TERB1: variants seen among roughly 807,000 people sequenced by gnomAD.
TERB1 encodes the protein telomere repeats-binding bouquet formation protein 1.
In TERB1, 63 loss-of-function variants were observed where a neutral mutation model predicts 92.3. The observed-to-expected ratio is 0.68, with a 90% confidence interval of 0.56 to 0.84. The LOEUF is 0.84. Ranked by LOEUF, TERB1 falls within the 40% of genes least tolerant of loss-of-function variation. The probability of loss-of-function intolerance (pLI) is 0.00; values close to 1 mark genes in which losing one functional copy is unlikely to be tolerated. For synonymous variants in TERB1, 252 were observed against 283.9 expected (o/e 0.89, Z 1.13); for missense variants, 709 against 843.7 (o/e 0.84, Z 1.98).
At chr16:66,758,468 C>CA (rs1416863141) in intron 18 of TERB1, 1 of 244,422 alleles carries the variant, frequency 4.1e-6, no homozygotes, top group African/African-American at 2.3e-5. Flanking sequence ...CAGCCAGGTG[C>CA]AATGGCTCAT....
chr16:66,764,634 A>T (rs774650409), intron 16 of TERB1, among the ~76,000 whole-genome samples: 4 of 151,996 alleles, frequency 2.6e-5, no homozygotes, highest in Non-Finnish European at 4.4e-5. Flanking sequence ...TTGCTGCGAT[A>T]ATTTAGGCAT....
chr16:66,798,874 A>G (rs1959215765), intron 2 of TERB1, among the ~76,000 whole-genome samples: 1 of 152,220 alleles, frequency 6.6e-6, no homozygotes, highest in African/African-American at 2.4e-5. Flanking sequence ...CAATAACCTT[A>G]TGAGGGAATT....
At chr16:66,773,918 C>T (rs1352277087) in intron 12 of TERB1, among the ~76,000 whole-genome samples, 3 of 151,792 alleles carry the variant, frequency 2.0e-5, no homozygotes, top group Non-Finnish European at 4.4e-5. Context: ...CTTGCTCTGT[C>T]ACCCAGGCTG....
rs1445069478 is a variant in TERB1, at chr16:66,786,135, AG to A, written c.462-7del. 6.5e-7 allele frequency: 1 copy of A among 1,543,510 alleles called. No individual in the cohort carries two copies. The highest frequency in any genetic ancestry group is 1.4e-5 in the African/African-American group (1 of 72,814). On this transcript the variant is annotated splice_polypyrimidine_tract_variant and splice_region_variant and intron_variant, in intron 7 of 18. Transcript: ENST00000433154. ...CATGTTTTGAAATAACTGTCCTATTAGGTTAAAAAGAAAAGAAAGTAAATTA... is the reference window on the plus strand; with the variant it reads ...CATGTTTTGAAATAACTGTCCTATTAGTTAAAAAGAAAAGAAAGTAAATTA...
chr16:66,798,508 C>T (rs1260682372), intron 2 of TERB1, among the ~76,000 whole-genome samples: 1 of 151,960 alleles, frequency 6.6e-6, no homozygotes, highest in African/African-American at 2.4e-5. Context: ...TATTACATTA[C>T]AATAGAAGTA....
intron 9 of TERB1, among the ~76,000 whole-genome samples, chr16:66,782,641 C>G (rs1373811404): frequency 1.3e-5 from 2 of 151,868 alleles, no homozygotes; most frequent in Non-Finnish European, 2.9e-5. Flanking sequence ...TCAGGCAACA[C>G]AGTCCTACGG....
chr16:66,764,204 A>AC (rs2018300040), intron 16 of TERB1, among the ~76,000 whole-genome samples: 3 of 152,212 alleles, frequency 2.0e-5, no homozygotes, highest in Non-Finnish European at 4.4e-5. Context: ...AGGTTACTTT[A>AC]GTAGTCCGCA....
Position 66,758,929 on chromosome 16 carries a change from G to A in TERB1, c.1931-91C>T, listed in dbSNP as rs1016610964. 12 of 985,054 alleles carry A rather than the reference G, an allele frequency of 1.2e-5. No individual in the cohort carries two copies. In the Admixed American group the frequency reaches 1.6e-4, roughly 13 times the overall value. 61.0% of individuals were successfully genotyped at this position (985,054 alleles called of 1,614,324 possible). ...ATTAGTATATTTCCTTTATTCCCCC[G>A]TCTAGTGGGAATACTTAGATAGATT... is the stretch of plus-strand genomic sequence containing the variant. On this transcript the variant is annotated intron_variant, in intron 17 of 18. Transcript: ENST00000433154.
intron 12 of TERB1, among the ~76,000 whole-genome samples, chr16:66,773,360 A>G (rs548286077): frequency 1.5e-4 from 22 of 151,138 alleles, no homozygotes. Context: ...TTTTAAAAAA[A>G]TAATGTTCAA....
At chr16:66,764,372 T>C (rs1338426054) in intron 16 of TERB1, among the ~76,000 whole-genome samples, 2 of 152,178 alleles carry the variant, frequency 1.3e-5, no homozygotes, top group Non-Finnish European at 1.5e-5. Context: ...ATGGCAAAGT[T>C]TGAAATAACC....
intron 16 of TERB1, among the ~76,000 whole-genome samples, chr16:66,765,181 G>C (rs545726534): frequency 6.6e-6 from 1 of 152,168 alleles, no homozygotes; most frequent in Admixed American, 6.5e-5. Context: ...GGTAACTAGG[G>C]GAGAAAGGAA....
intron 16 of TERB1, among the ~76,000 whole-genome samples, chr16:66,760,467 AAAAG>A (rs2018220161): frequency 1.3e-5 from 1 of 74,628 alleles, no homozygotes; most frequent in Non-Finnish European, 2.3e-5. Context: ...AAAAAAAAAA[AAAAG>A]AAAAGAAAAG....
At chr16:66,800,926 G>A (rs965165494) in intron 2 of TERB1, 51 bp downstream of exon 2, 4 of 152,418 alleles carry the variant, frequency 2.6e-5, no homozygotes, top group African/African-American at 9.6e-5. Flanking sequence ...TCCAAGGCGG[G>A]GGCGCTCACC....
intron 18 of TERB1, among the ~76,000 whole-genome samples, chr16:66,757,852 A>G (rs927610016): frequency 6.6e-6 from 1 of 152,242 alleles, no homozygotes; most frequent in African/African-American, 2.4e-5. Context: ...ATGGTGATCA[A>G]TGTGAAATGT....
chr16:66,786,188 A>G, intron 7 of TERB1, 37 bp downstream of exon 7: 2 of 1,530,682 alleles, frequency 1.3e-6, no homozygotes, highest in South Asian at 1.2e-5. Flanking sequence ...GTCCTAAGTA[A>G]TGAATAATTA....
At chr16:66,775,283 AAACT>A (rs778950491) in intron 11 of TERB1, 40 bp from the exon 12 acceptor site, 4 of 1,510,810 alleles carry the variant, frequency 2.6e-6, no homozygotes, top group Non-Finnish European at 9.0e-7. Flanking sequence ...TTTTTATCAT[AAACT>A]ATCTATATGA....
chr16:66,770,103 T>A lies in TERB1; in HGVS notation c.1479A>T (p.Thr493=), dbSNP rs2145120711. 1 of 1,552,174 alleles carries A rather than the reference T, an allele frequency of 6.4e-7. No homozygotes were observed. The highest frequency in any genetic ancestry group is 1.4e-5 in the African/African-American group (1 of 73,182). ...GGACTGGATTTGCGCTCTTTAACGG[T>A]GTCTTCATTTGGTCATCATTTGTAC... is the stretch of plus-strand genomic sequence containing the variant. ...KACTNDDQMK[T]PLKSANPVHA... is the part of the protein sequence containing the mutation. The change falls in exon 14 of 19, where the codon ACA becomes ACT. Residue 493 remains threonine, a synonymous_variant. Transcript: ENST00000433154.
chr16:66,778,893 T>C lies in TERB1; in HGVS notation c.823A>G (p.Lys275Glu). 6.6e-7 allele frequency: 1 copy of C among 1,521,254 alleles called. No individual in the cohort carries two copies. Among genetic ancestry groups the C allele is most frequent in the Non-Finnish European group, 8.9e-7 (1 of 1,124,846 alleles). 94.2% of individuals were successfully genotyped at this position (1,521,254 alleles called of 1,614,324 possible). ...SSAKLAVVVTKTVDACIADNP... is the reference protein window; with the variant it reads ...SSAKLAVVVTETVDACIADNP... Reference sequence around the variant, plus strand: ...TCAGCAATGCATGCATCCACAGTCTTCGTCACAACCACTGCAAGTTTAGCA... The same window carrying C: ...TCAGCAATGCATGCATCCACAGTCTCCGTCACAACCACTGCAAGTTTAGCA... The change falls in exon 10 of 19, where the codon AAG (lysine) becomes GAG (glutamate). Residue 275 changes from lysine to glutamate, a missense_variant. Coordinates refer to ENST00000433154, the MANE Select transcript of TERB1 (RefSeq NM_001136505.2).
chr16:66,781,722 G>A (rs1203692779), intron 9 of TERB1, among the ~76,000 whole-genome samples: 3 of 151,866 alleles, frequency 2.0e-5, no homozygotes, highest in Non-Finnish European at 4.4e-5. Context: ...GGGTTTCACC[G>A]TGTTAGCCAG....
Sources: gnomAD v4.1 joint callset for allele counts (sites outside exome capture counted in the v4.1 genomes callset) on GRCh38, gnomAD v4.1.1 for gene constraint, MANE v1.5 for transcripts, NCBI Gene and HGNC (gene_info 2026-07-23, HGNC 2026-07-21) for gene names.